The following GPAT3 variants were observed in gnomAD, a reference collection of about 807,000 sequenced individuals.
GPAT3 encodes the protein glycerol-3-phosphate acyltransferase 3, also known as 1-AGP acyltransferase 9.
A neutral mutation model predicts 58.8 loss-of-function variants in GPAT3; 53 were observed. The observed-to-expected ratio is 0.90, with a 90% CI of 0.72 to 1.13. The LOEUF (loss-of-function observed/expected upper bound fraction) is 1.13, where lower values mean the gene tolerates loss of function less well. GPAT3 is among the 50% of genes most tolerant of loss of function. The pLI, the probability that GPAT3 is intolerant of heterozygous loss-of-function variation, is 0.00. For synonymous variants in GPAT3, 197 were observed against 187.4 expected, an observed-to-expected ratio of 1.05 and a Z score of -0.42; for missense variants, 511 against 527.6, an observed-to-expected ratio of 0.97 and a Z score of 0.31.
chr4:83,550,403 C>CTGATGATGA (rs546600558), intron 2 of GPAT3, among the ~76,000 whole-genome samples: 4 of 151,474 alleles, frequency 2.6e-5, no homozygotes, highest in African/African-American at 7.3e-5. Flanking sequence ...AATATTGTGT[C>CTGATGATGA]TGATGATGAT....
chr4:83,598,309 G>A lies in GPAT3; in HGVS notation c.1125+130G>A, dbSNP rs1560633494. ...GCAAATGGGTCATTTTTTTAATGAT[G>A]TATTTAGCTCACTTTAAATCAGACC... On this transcript the variant is annotated intron_variant, in intron 10 of 11. Transcript: ENST00000264409. The A allele has an allele frequency of 4.4e-5, 54 of 1,216,602 alleles. 1 individual carries two copies. The South Asian group carries it at 7.3e-4, about 16-fold the overall frequency. The allele number at this position is 1,216,602 out of a possible 1,614,324, so 75.4% of individuals were successfully genotyped here.
intron 2 of GPAT3, among the ~76,000 whole-genome samples, chr4:83,556,210 A>AT (rs1218664426): frequency 1.3e-5 from 2 of 152,220 alleles, no homozygotes; most frequent in African/African-American, 2.4e-5. Context: ...CTGTATCCAA[A>AT]TCAACAGAGT....
rs1169203914 is a variant in GPAT3 at position 83,604,816 on chromosome 4, A to G, written c.*49A>G. ...TCTAGAACTAGCCCTTAGAAATGGA[A>G]TGGCTTTTTTTGTTTTGTTTTGTTT... On this transcript the variant is annotated 3_prime_UTR_variant, in exon 12 of 12. Transcript: ENST00000264409. 7.1e-7 allele frequency: 1 copy of G among 1,400,312 alleles called. No individual in the cohort carries two copies. Among genetic ancestry groups the G allele is most frequent in the Non-Finnish European group, 9.8e-7 (1 of 1,023,034 alleles). The allele number at this position is 1,400,312 out of a possible 1,614,324, so 86.7% of individuals were successfully genotyped here.
intron 2 of GPAT3, among the ~76,000 whole-genome samples, chr4:83,576,011 T>C (rs940898538): frequency 6.6e-6 from 1 of 152,248 alleles, no homozygotes; most frequent in African/African-American, 2.4e-5. Context: ...ATTTTCATAC[T>C]TCCCTTACAT....
At chr4:83,591,549 A>G (rs1206249765) in intron 6 of GPAT3, among the ~76,000 whole-genome samples, 1 of 152,202 alleles carries the variant, frequency 6.6e-6, no homozygotes, top group Non-Finnish European at 1.5e-5. Context: ...AAAACTAACC[A>G]TATCTGCATC....
rs370542077 is a variant in GPAT3 at position 83,568,366 on chromosome 4, T to G, written c.209-13196T>G. On this transcript the variant is annotated intron_variant, in intron 2 of 11. Transcript: ENST00000264409. ...ATTTCATGTATATTAAAGGTCATCA[T>G]AGTTGTGATGACTTCTTCCCCTTTT... 6.6e-5 allele frequency among the ~76,000 whole-genome samples: 10 copies of G among 152,194 alleles called. No individual in the cohort carries two copies. The East Asian group carries it at 1.9e-3, about 29-fold the overall frequency.
At chr4:83,538,814 C>G (rs2110067084) in intron 1 of GPAT3, among the ~76,000 whole-genome samples, 1 of 152,296 alleles carries the variant, frequency 6.6e-6, no homozygotes, top group Non-Finnish European at 1.5e-5. Context: ...TGCCAGTTTT[C>G]TAATTCTGGT....
In GPAT3 at chr4:83,604,806, T is replaced by C. The variant is rs1377003195; in HGVS notation, c.*39T>C. ...AGCCTTTAGATCTAGAACTAGCCCTTAGAAATGGAATGGCTTTTTTTGTTT... is the reference window on the plus strand; with the variant it reads ...AGCCTTTAGATCTAGAACTAGCCCTCAGAAATGGAATGGCTTTTTTTGTTT... On this transcript the variant is annotated 3_prime_UTR_variant, in exon 12 of 12. Coordinates refer to ENST00000264409, the MANE Select transcript of GPAT3 (RefSeq NM_032717.5). 1.3e-6 allele frequency: 2 copies of C among 1,495,584 alleles called. No individual in the cohort carries two copies. Among genetic ancestry groups the C allele is most frequent in the South Asian group, 2.4e-5 (2 of 83,996 alleles). The allele number at this position is 1,495,584 out of a possible 1,614,324, so 92.6% of individuals were successfully genotyped here. A position where few individuals can be genotyped will look rare whatever the true frequency, so the allele number is the denominator to read the frequency against.
chr4:83,551,813 A>AATCTATCTATCTATCTATCT lies in GPAT3; in HGVS notation c.208+7228_208+7247dup, dbSNP rs3083939. On this transcript the variant is annotated intron_variant, in intron 2 of 11. Transcript: ENST00000264409. Reference sequence around the variant, plus strand: ...TCTCGGAAAAAAAAAAAAAAAAAAAAATCTATCTATCTATCTATCTATCTA... The same window carrying AATCTATCTATCTATCTATCT: ...TCTCGGAAAAAAAAAAAAAAAAAAAAATCTATCTATCTATCTATCTATCTATCTATCTATCTATCTATCTA... Among the ~76,000 whole-genome samples, 803 of 102,286 alleles carry AATCTATCTATCTATCTATCT rather than the reference A, an allele frequency of 7.9e-3. 1 individual carries two copies. The highest frequency in any genetic ancestry group is 0.022 in the Middle Eastern group (4 of 182). The allele number at this position is 102,286 out of a possible 152,430, so 67.1% of individuals were successfully genotyped here.
At chr4:83,548,389 C>G (rs1194133959) in intron 2 of GPAT3, among the ~76,000 whole-genome samples, 1 of 152,130 alleles carries the variant, frequency 6.6e-6, no homozygotes, top group Non-Finnish European at 1.5e-5. Context: ...GATTATGATG[C>G]TGTTAGGTTG....
intron 2 of GPAT3, among the ~76,000 whole-genome samples, chr4:83,580,960 G>C (rs1726093817): frequency 6.6e-6 from 1 of 151,892 alleles, no homozygotes; most frequent in African/African-American, 2.4e-5. Context: ...GCCGACTGTG[G>C]TGGCGGGTGC....
chr4:83,536,298 C>A lies in GPAT3; in HGVS notation c.-325C>A. 9.4e-7 allele frequency: 1 copy of A among 1,068,156 alleles called. No homozygotes were observed. Among genetic ancestry groups the A allele is most frequent in the Middle Eastern group, 4.2e-4 (1 of 2,384 alleles). The allele number at this position is 1,068,156 out of a possible 1,614,324, so 66.2% of individuals were successfully genotyped here. ...CCTGGCTGCGCTCGCGCGCTCTGCC[C>A]GCGCCGCGGTGTGCCTCCGCTTACC... is the stretch of plus-strand genomic sequence containing the variant. On this transcript the variant is annotated 5_prime_UTR_variant, in exon 1 of 12. Transcript: ENST00000264409.
intron 2 of GPAT3, among the ~76,000 whole-genome samples, chr4:83,559,045 T>C (rs1256738584): frequency 1.3e-5 from 2 of 152,186 alleles, no homozygotes; most frequent in Non-Finnish European, 2.9e-5. Flanking sequence ...CACTTCTTGT[T>C]AGCAAAAAAT....
intron 1 of GPAT3, among the ~76,000 whole-genome samples, chr4:83,543,105 G>A (rs1413734755): frequency 1.3e-5 from 2 of 152,282 alleles, no homozygotes; most frequent in Non-Finnish European, 2.9e-5. Flanking sequence ...TTTGAGTACA[G>A]TCTGGTCGAC....
At chr4:83,594,765 A>C in intron 6 of GPAT3, 80 bp from the exon 7 acceptor site, 3 of 1,117,692 alleles carry the variant, frequency 2.7e-6, no homozygotes, top group South Asian at 1.3e-5. Flanking sequence ...AGTGGAGAAT[A>C]GAAATTTGTT....
chr4:83,598,751 C>CCTTTT (rs1726945579), intron 11 of GPAT3, 28 bp downstream of exon 11: 1 of 127,206 alleles, frequency 7.9e-6, no homozygotes, highest in Non-Finnish European at 1.5e-5. Context: ...AGTACTATCA[C>CCTTTT]TTTTTTTTTT....
At chr4:83,562,586 G>C (rs1221299154) in intron 2 of GPAT3, among the ~76,000 whole-genome samples, 2 of 151,750 alleles carry the variant, frequency 1.3e-5, no homozygotes, top group African/African-American at 4.8e-5. Context: ...GAAGAAGTCA[G>C]GACTATAGAT....
intron 2 of GPAT3, among the ~76,000 whole-genome samples, chr4:83,551,695 G>A (rs555536479): frequency 2.6e-4 from 40 of 151,444 alleles, no homozygotes; most frequent in Admixed American, 8.6e-4. Context: ...AGGAGGCTGA[G>A]GCAGGAGAAT....
rs542602475 is a variant in GPAT3 at position 83,547,474 on chromosome 4, G to A, written c.208+2872G>A. ...TCACCGTGTTAGCCAGGATGGTCTC[G>A]ATCTCCTGACCTTGTGATCTGCCCA... On this transcript the variant is annotated intron_variant, in intron 2 of 11. Coordinates refer to ENST00000264409, the MANE Select transcript of GPAT3 (RefSeq NM_032717.5). Among the ~76,000 whole-genome samples the A allele has an allele frequency of 4.6e-4, 70 of 151,442 alleles. 1 individual carries two copies. The highest frequency in any genetic ancestry group is 1.5e-3 in the South Asian group (7 of 4,800).
Sources: gnomAD v4.1 joint callset for allele counts (sites outside exome capture counted in the v4.1 genomes callset) on GRCh38, gnomAD v4.1.1 for gene constraint, MANE v1.5 for transcripts, NCBI Gene and HGNC (gene_info 2026-07-23, HGNC 2026-07-21) for gene names.